Variants in LIPI observed in about 807,000 individuals in gnomAD.
LIPI encodes lipase member I.
LIPI carries 59 observed loss-of-function variants against 50.6 expected under a neutral mutation model. The observed-to-expected ratio is 1.16, with a 90% CI of 0.94 to 1.45. The LOEUF is 1.45. Among genes scored for constraint, LIPI ranks in the 40% most tolerant of loss-of-function variants. The pLI is 0.00. For missense variants in LIPI, 586 were observed against 536.3 expected (o/e 1.09, Z -0.92); for synonymous variants, 203 against 178.2 (o/e 1.14, Z -1.11).
intron 8 of LIPI, among the ~76,000 whole-genome samples, chr21:14,146,706 C>T (rs2017916729): frequency 6.8e-6 from 1 of 147,874 alleles, no homozygotes; most frequent in African/African-American, 2.5e-5. Flanking sequence ...CCTATGAGTT[C>T]TAATTTCTAT....
At chr21:14,118,345 C>T (rs958733489) in intron 9 of LIPI, among the ~76,000 whole-genome samples, 2 of 152,028 alleles carry the variant, frequency 1.3e-5, no homozygotes, top group Admixed American at 6.6e-5. Flanking sequence ...AAAATTGGGC[C>T]GTTATCAAAA....
chr21:14,189,643 A>T (rs1463497925), intron 1 of LIPI, among the ~76,000 whole-genome samples: 1 of 152,208 alleles, frequency 6.6e-6, no homozygotes, highest in African/African-American at 2.4e-5. Context: ...TTGGTTAAAA[A>T]ATTAAGAAGA....
At position 14,141,167 on chromosome 21, in the gene LIPI, A is replaced by AT. The variant is rs767253435; in HGVS notation, c.1295+3455dup. Among the ~76,000 whole-genome samples the AT allele has an allele frequency of 3.4e-4, 51 of 151,422 alleles. 1 individual carries two copies. Among genetic ancestry groups the AT allele is most frequent in the East Asian group, 3.9e-4 (2 of 5,148 alleles). ...TCTTCTTTTCCTCAGTTGAAGGGGA[A>AT]TTTTTTTTTATTACATCCGTAGTTA... is the stretch of plus-strand genomic sequence containing the variant. On this transcript the variant is annotated intron_variant, in intron 9 of 9. Coordinates refer to ENST00000681601, the MANE Select transcript of LIPI (RefSeq NM_001302998.2).
intron 3 of LIPI, among the ~76,000 whole-genome samples, 160 bp from the exon 4 acceptor site, chr21:14,182,019 G>T (rs1411377407): frequency 6.6e-6 from 1 of 152,184 alleles, no homozygotes; most frequent in East Asian, 1.9e-4. Context: ...TGAATGAATA[G>T]CAGGTAACTT....
chr21:14,159,821 C>T (rs765925476), intron 7 of LIPI, among the ~76,000 whole-genome samples: 1 of 151,204 alleles, frequency 6.6e-6, no homozygotes, highest in Non-Finnish European at 1.5e-5. Flanking sequence ...ACAAAAGATG[C>T]GATCTCATTA....
At chr21:14,150,371 C>T (rs1002640190) in intron 8 of LIPI, among the ~76,000 whole-genome samples, 1 of 152,150 alleles carries the variant, frequency 6.6e-6, no homozygotes, top group African/African-American at 2.4e-5. Flanking sequence ...GACTGTATTG[C>T]CTTGCTTTCA....
At chr21:14,182,558 T>C (rs1327191446) in intron 3 of LIPI, among the ~76,000 whole-genome samples, 2 of 152,122 alleles carry the variant, frequency 1.3e-5, no homozygotes, top group East Asian at 1.9e-4. Flanking sequence ...AAGTAAAATA[T>C]AGCACCAATA....
chr21:14,121,496 G>A (rs1236237310), intron 9 of LIPI, among the ~76,000 whole-genome samples: 1 of 152,156 alleles, frequency 6.6e-6, no homozygotes, highest in Non-Finnish European at 1.5e-5. Flanking sequence ...TTGGAGAACT[G>A]ACCCTAAGAA....
chr21:14,127,358 C>T (rs8133021), intron 9 of LIPI, among the ~76,000 whole-genome samples: 3,427 of 152,214 alleles, frequency 0.023, 127 homozygotes, highest in African/African-American at 0.076. Context: ...TACATTGATC[C>T]AAACATGTGT....
intron 1 of LIPI, among the ~76,000 whole-genome samples, chr21:14,202,910 G>A (rs1330210026): frequency 6.6e-6 from 1 of 152,026 alleles, no homozygotes. Context: ...TACAGAATGG[G>A]AGAAAATTTT....
At chr21:14,185,044 T>C (rs891100600) in intron 3 of LIPI, among the ~76,000 whole-genome samples, 1 of 152,188 alleles carries the variant, frequency 6.6e-6, no homozygotes, top group African/African-American at 2.4e-5. Flanking sequence ...ATATGAATAA[T>C]TGCTTTTTTT....
intron 4 of LIPI, among the ~76,000 whole-genome samples, chr21:14,176,655 A>C (rs562077972): frequency 9.4e-5 from 14 of 148,208 alleles, no homozygotes; most frequent in African/African-American, 3.5e-4. Flanking sequence ...TATGATTTCT[A>C]CACTTTGAAA....
intron 9 of LIPI, among the ~76,000 whole-genome samples, chr21:14,116,258 G>C (rs1196853349): frequency 6.6e-6 from 1 of 152,038 alleles, no homozygotes; most frequent in Non-Finnish European, 1.5e-5. Flanking sequence ...ATGTGGGGAG[G>C]TGCAGATCTC....
At chr21:14,140,181 G>C (rs965041681) in intron 9 of LIPI, among the ~76,000 whole-genome samples, 3 of 152,114 alleles carry the variant, frequency 2.0e-5, no homozygotes, top group Non-Finnish European at 4.4e-5. Flanking sequence ...AATTCAAGGA[G>C]AGATGATAAA....
chr21:14,209,716 A>G (rs1045447531), intron 1 of LIPI, among the ~76,000 whole-genome samples: 1 of 152,128 alleles, frequency 6.6e-6, no homozygotes, highest in Non-Finnish European at 1.5e-5. Flanking sequence ...CAAAACAATA[A>G]TATCAGAAAG....
At chr21:14,201,131 A>C (rs964892547) in intron 1 of LIPI, among the ~76,000 whole-genome samples, 1 of 152,158 alleles carries the variant, frequency 6.6e-6, no homozygotes, top group Non-Finnish European at 1.5e-5. Flanking sequence ...AAAAACATAA[A>C]ATGTAAAACC....
At chr21:14,167,813 C>T (rs975524102) in intron 4 of LIPI, among the ~76,000 whole-genome samples, 12 of 152,186 alleles carry the variant, frequency 7.9e-5, no homozygotes, top group Non-Finnish European at 1.8e-4. Flanking sequence ...AGTGCCTCTC[C>T]TCCTCCAAAG....
At chr21:14,206,635 C>T (rs1233730774) in intron 1 of LIPI, among the ~76,000 whole-genome samples, 3 of 151,900 alleles carry the variant, frequency 2.0e-5, no homozygotes, top group Non-Finnish European at 2.9e-5. Context: ...TACATGAAAA[C>T]CTCCTTCATT....
intron 4 of LIPI, among the ~76,000 whole-genome samples, chr21:14,178,093 C>T (rs1162043227): frequency 6.6e-6 from 1 of 152,032 alleles, no homozygotes; most frequent in Non-Finnish European, 1.5e-5. Context: ...ATTTTATTCA[C>T]CTTATTTAAA....
Sources: gnomAD v4.1 joint callset for allele counts (sites outside exome capture counted in the v4.1 genomes callset) on GRCh38, gnomAD v4.1.1 for gene constraint, MANE v1.5 for transcripts, NCBI Gene and HGNC (gene_info 2026-07-23, HGNC 2026-07-21) for gene names.